ST8SIA6: variants seen among roughly 807,000 people sequenced by gnomAD.
ST8SIA6 encodes the protein ST8 alpha-N-acetyl-neuraminide alpha-2,8-sialyltransferase 6.
Under a neutral mutation model 33.6 loss-of-function variants are expected in ST8SIA6, and 39 were observed. The ratio of observed to expected loss-of-function variants is 1.16; its 90% CI spans 0.90 to 1.52. ST8SIA6 has a LOEUF of 1.52. Ranked by LOEUF, ST8SIA6 falls within the 40% of genes most tolerant of loss-of-function variation. ST8SIA6 has a pLI of 0.00. For synonymous variants in ST8SIA6, 172 were observed against 167.2 expected (o/e 1.03, Z -0.22); for missense variants, 441 against 443.8 (o/e 0.99, Z 0.06).
intron 2 of ST8SIA6, among the ~76,000 whole-genome samples, chr10:17,436,853 C>T (rs1331296582): frequency 6.6e-6 from 1 of 152,128 alleles, no homozygotes; most frequent in Non-Finnish European, 1.5e-5. Context: ...TTTTCCTGCA[C>T]AAGCCCTCTT....
In ST8SIA6 at chr10:17,410,550, T is replaced by C. The variant is rs541567044; in HGVS notation, c.201-19930A>G. ...CTAGAATTTGCCCTTTATGTGCTGT[T>C]TTACCATTGTCATGTCTGTCTCTGG... On this transcript the variant is annotated intron_variant, in intron 2 of 7. Transcript: ENST00000377602. The C allele has an allele frequency of 4.6e-5, 7 of 152,324 alleles. No individual in the cohort carries two copies. In the South Asian group the frequency reaches 1.4e-3, roughly 32 times the overall value. 9.4% of individuals were successfully genotyped at this position (152,324 alleles called of 1,614,324 possible). A position where few individuals can be genotyped will look rare whatever the true frequency, so the allele number is the denominator to read the frequency against.
chr10:17,360,457 C>T (rs762709824), intron 3 of ST8SIA6, among the ~76,000 whole-genome samples: 5 of 151,706 alleles, frequency 3.3e-5, no homozygotes, highest in Admixed American at 2.0e-4. Context: ...TTCACATATA[C>T]ATGAAAGACT....
chr10:17,333,327 T>C (rs1362635018), intron 4 of ST8SIA6, among the ~76,000 whole-genome samples: 2 of 152,012 alleles, frequency 1.3e-5, no homozygotes, highest in Admixed American at 6.6e-5. Context: ...CAAAATAATT[T>C]ATAGAGTCAA....
intron 3 of ST8SIA6, among the ~76,000 whole-genome samples, chr10:17,363,999 T>C (rs888797965): frequency 6.6e-6 from 1 of 152,216 alleles, no homozygotes; most frequent in African/African-American, 2.4e-5. Context: ...AAAACTATCA[T>C]ATAACATCCA....
chr10:17,349,016 G>A (rs1385151923), intron 4 of ST8SIA6, among the ~76,000 whole-genome samples: 1 of 152,134 alleles, frequency 6.6e-6, no homozygotes, highest in Admixed American at 6.5e-5. Flanking sequence ...TGGTTTGACC[G>A]GCCATCTGGA....
chr10:17,321,107 G>T lies in ST8SIA6; in HGVS notation c.968C>A (p.Thr323Asn). The T allele has an allele frequency of 6.2e-7, 1 of 1,614,104 alleles. No individual in the cohort carries two copies. The highest frequency in any genetic ancestry group is 1.1e-5 in the South Asian group (1 of 91,080). Reference protein sequence around the residue: ...TKGVTAYRLSTGLMITSVAVE... With the variant: ...TKGVTAYRLSNGLMITSVAVE... ...TGCAACACTTGTGATCATCAAGCCG[G>T]TGGACAAGCGGTATGCAGTCACACC... is the stretch of plus-strand genomic sequence containing the variant. The change falls in exon 8 of 8, where the codon ACC (threonine) becomes AAC (asparagine). Residue 323 changes from threonine to asparagine, a missense_variant. Transcript: ENST00000377602.
At chr10:17,428,825 A>G (rs577424259) in intron 2 of ST8SIA6, among the ~76,000 whole-genome samples, 4 of 152,330 alleles carry the variant, frequency 2.6e-5, no homozygotes, top group African/African-American at 9.6e-5. Context: ...AAGTAATACA[A>G]GGATAGATGC....
intron 2 of ST8SIA6, chr10:17,410,016 G>A (rs981704603): frequency 5.3e-5 from 8 of 152,210 alleles, no homozygotes; most frequent in African/African-American, 1.9e-4. Context: ...CCAGGGAAAT[G>A]ATATACCATG....
intron 2 of ST8SIA6, among the ~76,000 whole-genome samples, chr10:17,398,753 G>A (rs963093415): frequency 6.6e-6 from 1 of 152,118 alleles, no homozygotes; most frequent in African/African-American, 2.4e-5. Flanking sequence ...CATATACTTA[G>A]AAACACTCTG....
intron 4 of ST8SIA6, among the ~76,000 whole-genome samples, chr10:17,347,374 A>G (rs1357872914): frequency 6.6e-6 from 1 of 152,164 alleles, no homozygotes. Context: ...GGGCTTTCTG[A>G]TTCAGGCCAC....
In ST8SIA6 at chr10:17,319,918, C is replaced by T. The variant is rs1204501856; in HGVS notation, c.*960G>A. On this transcript the variant is annotated 3_prime_UTR_variant, in exon 8 of 8. Coordinates refer to ENST00000377602, the MANE Select transcript of ST8SIA6 (RefSeq NM_001004470.3). ...ACTGAAATGGATTTAATTATCCCTG[C>T]TTCTGTTCCTTGTAGCACTTTATTC... The T allele has an allele frequency of 1.3e-5, 2 of 152,140 alleles. No homozygotes were observed. The highest frequency in any genetic ancestry group is 4.8e-5 in the African/African-American group (2 of 41,434). 9.4% of individuals were successfully genotyped at this position (152,140 alleles called of 1,614,324 possible).
At chr10:17,369,484 A>C (rs562257944) in intron 3 of ST8SIA6, among the ~76,000 whole-genome samples, 4 of 152,286 alleles carry the variant, frequency 2.6e-5, no homozygotes, top group Admixed American at 6.5e-5. Flanking sequence ...TAAAAAAATG[A>C]TCTAACACAT....
intron 3 of ST8SIA6, among the ~76,000 whole-genome samples, chr10:17,370,996 G>A (rs1251841258): frequency 6.6e-6 from 1 of 152,200 alleles, no homozygotes; most frequent in African/African-American, 2.4e-5. Flanking sequence ...CCAGCAGCAG[G>A]ATGAAGGTGG....
chr10:17,374,066 A>C (rs55828731), intron 3 of ST8SIA6, among the ~76,000 whole-genome samples: 15,844 of 125,662 alleles, frequency 0.13, 977 homozygotes, highest in Admixed American at 0.17. Context: ...TAACATCAAC[A>C]ACCACCACAC....
chr10:17,421,833 CT>C (rs1851788810), intron 2 of ST8SIA6, among the ~76,000 whole-genome samples: 1 of 152,164 alleles, frequency 6.6e-6, no homozygotes, highest in Non-Finnish European at 1.5e-5. Context: ...TCACAAAGTA[CT>C]GGGATAATAG....
intron 2 of ST8SIA6, among the ~76,000 whole-genome samples, chr10:17,421,071 C>G (rs1334838292): frequency 6.6e-6 from 1 of 152,166 alleles, no homozygotes; most frequent in Non-Finnish European, 1.5e-5. Context: ...AGGCTCCTCC[C>G]CTGATACATG....
At chr10:17,352,437 T>G (rs1195107489) in intron 4 of ST8SIA6, among the ~76,000 whole-genome samples, 1 of 152,124 alleles carries the variant, frequency 6.6e-6, no homozygotes, top group African/African-American at 2.4e-5. Context: ...GGAACAATGT[T>G]AAAACACTGG....
At chr10:17,335,979 A>G (rs1848486819) in intron 4 of ST8SIA6, among the ~76,000 whole-genome samples, 1 of 150,956 alleles carries the variant, frequency 6.6e-6, no homozygotes, top group Non-Finnish European at 1.5e-5. Context: ...TTTTTTAGAT[A>G]GAGTCTCACT....
chr10:17,435,923 T>A (rs894818899), intron 2 of ST8SIA6, among the ~76,000 whole-genome samples: 8 of 152,206 alleles, frequency 5.3e-5, no homozygotes, highest in Admixed American at 5.2e-4. Flanking sequence ...AATTGGGTGA[T>A]TCTTGCCATA....
Sources: gnomAD v4.1 joint callset for allele counts (sites outside exome capture counted in the v4.1 genomes callset) on GRCh38, gnomAD v4.1.1 for gene constraint, MANE v1.5 for transcripts, NCBI Gene and HGNC (gene_info 2026-07-23, HGNC 2026-07-21) for gene names.